JAM3: variants seen among roughly 807,000 people sequenced by gnomAD.
JAM3 encodes the protein junctional adhesion molecule 3.
In JAM3, 31 loss-of-function variants were observed where a neutral mutation model predicts 39.4. The observed-to-expected ratio is 0.79, with a 90% CI of 0.59 to 1.06. The LOEUF (loss-of-function observed/expected upper bound fraction) is 1.06, where lower values mean the gene tolerates loss of function less well. Ranked by LOEUF, JAM3 falls within the 50% of genes least tolerant of loss-of-function variation. The pLI, the probability that JAM3 is intolerant of heterozygous loss-of-function variation, is 0.00. For missense variants in JAM3, 455 were observed against 391.4 expected, an observed-to-expected ratio of 1.16 and a Z score of -1.37; for synonymous variants, 182 against 148.7, an observed-to-expected ratio of 1.22 and a Z score of -1.63.
At chr11:134,113,080 C>CCTAGT (rs1258308165) in intron 1 of JAM3, among the ~76,000 whole-genome samples, 1 of 152,038 alleles carries the variant, frequency 6.6e-6, no homozygotes, top group Non-Finnish European at 1.5e-5. Context: ...ATCTTCAGTA[C>CCTAGT]CTAGCATGGT....
intron 2 of JAM3, among the ~76,000 whole-genome samples, chr11:134,140,416 TTTC>T (rs1942952831): frequency 6.6e-6 from 1 of 152,102 alleles, no homozygotes; most frequent in African/African-American, 2.4e-5. Context: ...GGCCAAGAAA[TTTC>T]TTATATACAA....
intron 1 of JAM3, among the ~76,000 whole-genome samples, chr11:134,112,071 C>T (rs769719097): frequency 6.6e-6 from 1 of 152,162 alleles, no homozygotes; most frequent in African/African-American, 2.4e-5. Context: ...TATGGCAACA[C>T]TTTTATTACG....
At chr11:134,140,877 C>A in intron 3 of JAM3, 107 bp downstream of exon 3, 1 of 1,379,870 alleles carries the variant, frequency 7.2e-7, no homozygotes, top group Non-Finnish European at 9.7e-7. Flanking sequence ...GCATCTGTAG[C>A]TAGGACCGTT....
intron 1 of JAM3, among the ~76,000 whole-genome samples, chr11:134,138,267 T>G (rs1942907365): frequency 9.5e-6 from 1 of 105,198 alleles, no homozygotes; most frequent in Non-Finnish European, 2.0e-5. Flanking sequence ...GTCGTGGTGC[T>G]CATACTGGAA....
At chr11:134,102,454 C>A (rs561187347) in intron 1 of JAM3, among the ~76,000 whole-genome samples, 48 of 152,248 alleles carry the variant, frequency 3.2e-4, no homozygotes, top group African/African-American at 1.2e-3. Context: ...AAAATCAGAG[C>A]GCTTCTCCCC....
intron 1 of JAM3, among the ~76,000 whole-genome samples, chr11:134,073,759 CAG>C (rs1291359544): frequency 6.6e-6 from 1 of 152,180 alleles, no homozygotes; most frequent in African/African-American, 2.4e-5. Context: ...TTGTTGGTAA[CAG>C]AGGCTGAATT....
chr11:134,148,890 A>C, intron 8 of JAM3, 72 bp downstream of exon 8: 1 of 1,492,714 alleles, frequency 6.7e-7, no homozygotes, highest in Non-Finnish European at 9.3e-7. Flanking sequence ...TGGAAACCAC[A>C]CGGGTCTCCT....
intron 5 of JAM3, chr11:134,145,307 T>C (rs959566342): frequency 6.5e-6 from 3 of 464,648 alleles, no homozygotes; most frequent in East Asian, 4.4e-5. Flanking sequence ...ATTGGATTAC[T>C]AGGTGGTATT....
chr11:134,106,811 T>C (rs1290870910), intron 1 of JAM3, among the ~76,000 whole-genome samples: 1 of 152,170 alleles, frequency 6.6e-6, no homozygotes, highest in Admixed American at 6.5e-5. Context: ...AGAATTGCGA[T>C]CATTAAAAAG....
chr11:134,143,926 GT>G (rs1236904031), intron 3 of JAM3, among the ~76,000 whole-genome samples: 1 of 152,158 alleles, frequency 6.6e-6, no homozygotes, highest in Non-Finnish European at 1.5e-5. Flanking sequence ...TTCTAGTGGT[GT>G]TTTTTTCTAT....
intron 1 of JAM3, among the ~76,000 whole-genome samples, chr11:134,097,861 T>C (rs915696365): frequency 1.3e-5 from 2 of 151,354 alleles, no homozygotes; most frequent in African/African-American, 4.8e-5. Context: ...TTTATATATA[T>C]GTATATATAT....
intron 1 of JAM3, among the ~76,000 whole-genome samples, chr11:134,107,485 T>C (rs1398661044): frequency 2.6e-5 from 4 of 151,648 alleles, no homozygotes; most frequent in East Asian, 1.9e-4. Flanking sequence ...GTATAAAAAA[T>C]ATATATAAAT....
intron 1 of JAM3, among the ~76,000 whole-genome samples, chr11:134,078,264 C>T (rs1941605816): frequency 2.6e-5 from 4 of 152,028 alleles, no homozygotes; most frequent in Admixed American, 2.6e-4. Flanking sequence ...GGATTACAGG[C>T]ATGTGCCACC....
intron 1 of JAM3, among the ~76,000 whole-genome samples, chr11:134,135,794 C>T (rs934095438): frequency 4.6e-5 from 7 of 152,046 alleles, no homozygotes; most frequent in African/African-American, 7.3e-5. Flanking sequence ...AATGGCCAGG[C>T]GCGGTGGCCC....
At chr11:134,121,119 C>T (rs1400202952) in intron 1 of JAM3, among the ~76,000 whole-genome samples, 1 of 152,046 alleles carries the variant, frequency 6.6e-6, no homozygotes, top group Non-Finnish European at 1.5e-5. Context: ...AGATCCAGAC[C>T]TTTCCCAGCC....
chr11:134,120,867 ATGTAT>A (rs1242192869), intron 1 of JAM3, among the ~76,000 whole-genome samples: 1 of 152,198 alleles, frequency 6.6e-6, no homozygotes, highest in Non-Finnish European at 1.5e-5. Context: ...TATGGCTTAA[ATGTAT>A]TGTTTTAATA....
chr11:134,127,144 A>G (rs1424723002), intron 1 of JAM3, among the ~76,000 whole-genome samples: 4 of 147,822 alleles, frequency 2.7e-5, no homozygotes, highest in African/African-American at 9.7e-5. Flanking sequence ...TGTAATAGAA[A>G]GAGTGTTAGA....
chr11:134,149,452 T>G lies in JAM3; in HGVS notation c.*271T>G. On this transcript the variant is annotated 3_prime_UTR_variant, in exon 9 of 9. Coordinates refer to ENST00000299106, the MANE Select transcript of JAM3 (RefSeq NM_032801.5). ...TTGGGTTCCTAATCTGTTTCTGGCC[T>G]GATTCCCGCATGAGTATTAGGGTGA... 5.1e-6 allele frequency: 3 copies of G among 586,614 alleles called. No individual in the cohort carries two copies. The highest frequency in any genetic ancestry group is 9.2e-6 in the Non-Finnish European group (3 of 326,308). 36.3% of individuals were successfully genotyped at this position (586,614 alleles called of 1,614,324 possible). A position where few individuals can be genotyped will look rare whatever the true frequency, so the allele number is the denominator to read the frequency against.
At chr11:134,142,782 C>T (rs557414725) in intron 3 of JAM3, among the ~76,000 whole-genome samples, 78 of 152,086 alleles carry the variant, frequency 5.1e-4, no homozygotes, top group African/African-American at 1.6e-3. Flanking sequence ...GTCCTCCTCC[C>T]GCATCCCTGG....
Sources: gnomAD v4.1 joint callset for allele counts (sites outside exome capture counted in the v4.1 genomes callset) on GRCh38, gnomAD v4.1.1 for gene constraint, MANE v1.5 for transcripts, NCBI Gene and HGNC (gene_info 2026-07-23, HGNC 2026-07-21) for gene names.